Variants in PPP2R2C observed in about 807,000 individuals in gnomAD.
PPP2R2C encodes the protein protein phosphatase 2, regulatory subunit B, gamma.
PPP2R2C carries 10 observed loss-of-function variants against 45.3 expected under a neutral mutation model. The observed-to-expected ratio is 0.22, with a 90% CI of 0.14 to 0.37. The LOEUF is 0.37. Among genes scored for constraint, PPP2R2C ranks in the 10% least tolerant of loss-of-function variants. PPP2R2C has a pLI of 1.00. For missense variants in PPP2R2C, 308 were observed against 619.7 expected (o/e 0.50, Z 5.34); for synonymous variants, 257 against 245.4 (o/e 1.05, Z -0.44).
intron 1 of PPP2R2C, among the ~76,000 whole-genome samples, chr4:6,406,958 C>T (rs952496114): frequency 6.6e-6 from 1 of 151,938 alleles, no homozygotes; most frequent in African/African-American, 2.4e-5. Context: ...AAGAGACACA[C>T]AGAGGAGAAG....
chr4:6,356,298 A>G (rs1356320149), intron 5 of PPP2R2C, among the ~76,000 whole-genome samples: 4 of 152,168 alleles, frequency 2.6e-5, no homozygotes, highest in Admixed American at 1.3e-4. Context: ...CTAGCTTCGC[A>G]TCTGTAGCTC....
At chr4:6,511,556 T>C (rs1243102281) in intron 2 of PPP2R2C, among the ~76,000 whole-genome samples, 1 of 73,826 alleles carries the variant, frequency 1.4e-5, no homozygotes, top group African/African-American at 5.5e-5. Flanking sequence ...ATGGTGGTGG[T>C]GGTGGTGGTG....
chr4:6,348,113 C>T (rs1361153857), intron 5 of PPP2R2C, 103 bp from the exon 6 acceptor site: 8 of 1,336,824 alleles, frequency 6.0e-6, no homozygotes, highest in Non-Finnish European at 8.3e-6. Flanking sequence ...CGTCCACCCT[C>T]GCGTCTGAGC....
chr4:6,556,701 A>G (rs994404295), intron 1 of PPP2R2C, among the ~76,000 whole-genome samples: 1 of 152,002 alleles, frequency 6.6e-6, no homozygotes, highest in Non-Finnish European at 1.5e-5. Context: ...CAACCCATGC[A>G]TTAGTGTAGA....
chr4:6,351,174 C>A (rs771791044), intron 5 of PPP2R2C: 2 of 519,428 alleles, frequency 3.9e-6, no homozygotes, highest in Non-Finnish European at 4.9e-6. Context: ...ATTAGCCAGG[C>A]GTGGTGGCAC....
At chr4:6,487,065 C>A in intron 2 of PPP2R2C, among the ~76,000 whole-genome samples, 1 of 151,958 alleles carries the variant, frequency 6.6e-6, no homozygotes, top group Non-Finnish European at 1.5e-5. Context: ...TTATCACAGT[C>A]TACCTTCAGG....
At chr4:6,483,866 A>T (rs543570515) in intron 2 of PPP2R2C, among the ~76,000 whole-genome samples, 1 of 152,182 alleles carries the variant, frequency 6.6e-6, no homozygotes, top group African/African-American at 2.4e-5. Context: ...GAAGGTCACA[A>T]AGGTTTTTAC....
At chr4:6,429,865 G>A (rs1719522490) in intron 1 of PPP2R2C, among the ~76,000 whole-genome samples, 1 of 152,130 alleles carries the variant, frequency 6.6e-6, no homozygotes, top group Non-Finnish European at 1.5e-5. Flanking sequence ...TGGCATGGGG[G>A]CCAGCTGGAT....
intron 5 of PPP2R2C, among the ~76,000 whole-genome samples, chr4:6,370,357 G>C (rs986470788): frequency 6.6e-6 from 1 of 152,192 alleles, no homozygotes; most frequent in Non-Finnish European, 1.5e-5. Flanking sequence ...TAAACTGTAC[G>C]GTACGGTCCA....
chr4:6,384,005 T>A, intron 1 of PPP2R2C: 1 of 985,580 alleles, frequency 1.0e-6, no homozygotes, highest in Non-Finnish European at 1.2e-6. Flanking sequence ...TCAAGACAGA[T>A]GCACATGTCA....
In PPP2R2C at chr4:6,563,371, C is replaced by T. The variant is rs544638409; in HGVS notation, c.-59+189G>A. On this transcript the variant is annotated intron_variant, in intron 1 of 9. Coordinates refer to the PPP2R2C transcript ENST00000506140. The surrounding 1 kb of genome is among the most constrained non-coding windows in gnomAD (Gnocchi z 5.8). Reference sequence around the variant, plus strand: ...CCCTGCCCCAGGACCGCCCCGGGGTCGGTGCCCGGGCTCTCTGAGTCTCGC... The same window carrying T: ...CCCTGCCCCAGGACCGCCCCGGGGTTGGTGCCCGGGCTCTCTGAGTCTCGC... Among the ~76,000 whole-genome samples the T allele has an allele frequency of 6.6e-6, 1 of 152,302 alleles. No individual in the cohort carries two copies. The highest frequency in any genetic ancestry group is 2.4e-5 in the African/African-American group (1 of 41,578).
chr4:6,423,136 A>C (rs1719083678), intron 1 of PPP2R2C, among the ~76,000 whole-genome samples: 1 of 152,146 alleles, frequency 6.6e-6, no homozygotes, highest in Non-Finnish European at 1.5e-5. Flanking sequence ...ACAAATATTC[A>C]TGCAGACCTA....
rs2109272986 is a variant in PPP2R2C, at chr4:6,364,119, G to A, written c.625+8404C>T. On this transcript the variant is annotated intron_variant, in intron 5 of 8. Coordinates refer to ENST00000382599, the MANE Select transcript of PPP2R2C (RefSeq NM_020416.4). This position sits in a 1 kb window ranked among gnomAD's most constrained non-coding sequence, Gnocchi z 5.3. ...GAAATGAACAGGGAACGAGGTAGAG[G>A]CCAAGCCTCTAGGGAAGGGGCTCGA... 6.6e-6 allele frequency among the ~76,000 whole-genome samples: 1 copy of A among 152,322 alleles called. No individual in the cohort carries two copies. Among genetic ancestry groups the A allele is most frequent in the South Asian group, 2.1e-4 (1 of 4,828 alleles).
At chr4:6,439,251 C>A (rs990926567) in intron 1 of PPP2R2C, among the ~76,000 whole-genome samples, 3 of 152,186 alleles carry the variant, frequency 2.0e-5, no homozygotes, top group South Asian at 2.1e-4. Context: ...TTACTCTAGT[C>A]TGAAGCCCAA....
At chr4:6,362,038 G>C (rs750167274) in intron 5 of PPP2R2C, among the ~76,000 whole-genome samples, 6 of 152,120 alleles carry the variant, frequency 3.9e-5, no homozygotes, top group Non-Finnish European at 8.8e-5. Context: ...GTGTGTGTTG[G>C]AGGGGGTGAG....
chr4:6,439,596 G>A (rs1051419315), intron 1 of PPP2R2C, among the ~76,000 whole-genome samples: 5 of 152,056 alleles, frequency 3.3e-5, no homozygotes, highest in South Asian at 2.1e-4. Context: ...AGCCCCTCCC[G>A]CTTCGTCTCC....
At chr4:6,473,812 T>C (rs1396370154), upstream of PPP2R2C, among the ~76,000 whole-genome samples, 1 of 152,114 alleles carries the variant, frequency 6.6e-6, no homozygotes, top group Admixed American at 6.5e-5. Flanking sequence ...TCTTGGAGAT[T>C]GAGAGGGAGT....
chr4:6,413,280 C>T (rs10018163), intron 1 of PPP2R2C, among the ~76,000 whole-genome samples: 2,390 of 152,316 alleles, frequency 0.016, 84 homozygotes, highest in African/African-American at 0.055. Flanking sequence ...TTGTCATGTA[C>T]TTACACATAT....
chr4:6,434,433 A>G (rs2109416184), intron 1 of PPP2R2C, among the ~76,000 whole-genome samples: 1 of 138,386 alleles, frequency 7.2e-6, no homozygotes, highest in East Asian at 2.1e-4. Flanking sequence ...ATCTCGGCTC[A>G]CTGCAACTTC....
Sources: gnomAD v4.1 joint callset for allele counts (sites outside exome capture counted in the v4.1 genomes callset) on GRCh38, gnomAD v4.1.1 for gene constraint, Gnocchi (gnomAD v3.1) non-coding constraint, MANE v1.5 for transcripts, NCBI Gene and HGNC (gene_info 2026-07-23, HGNC 2026-07-21) for gene names.